The following MSRA variants were observed in gnomAD, a reference collection of about 807,000 sequenced individuals.
The protein encoded by MSRA is methionine sulfoxide reductase A.
In MSRA, 54 loss-of-function variants were observed where a neutral mutation model predicts 31.3. The observed-to-expected ratio is 1.73, with a 90% CI of 1.39 to 2.17. MSRA has a LOEUF of 2.17. Among genes scored for constraint, MSRA ranks in the 30% most tolerant of loss-of-function variants. The pLI, the probability that MSRA is intolerant of heterozygous loss-of-function variation, is 0.00. For synonymous variants in MSRA, 169 were observed against 116.5 expected, an observed-to-expected ratio of 1.45 and a Z score of -2.90; for missense variants, 507 against 300.9, an observed-to-expected ratio of 1.69 and a Z score of -5.07.
chr8:10,134,725 C>G (rs73530926), intron 1 of MSRA, among the ~76,000 whole-genome samples: 6,881 of 152,318 alleles, frequency 0.045, 307 homozygotes, highest in South Asian at 0.12. Flanking sequence ...AGTGAAATGT[C>G]TAGGAGGGCA....
At chr8:10,311,982 G>T (rs1200412405) in intron 4 of MSRA, among the ~76,000 whole-genome samples, 3 of 152,144 alleles carry the variant, frequency 2.0e-5, no homozygotes, top group Non-Finnish European at 4.4e-5. Context: ...AAAATACTTT[G>T]AATCAAATGA....
intron 1 of MSRA, among the ~76,000 whole-genome samples, chr8:10,110,303 C>G (rs992096939): frequency 1.3e-5 from 2 of 152,146 alleles, no homozygotes; most frequent in Non-Finnish European, 2.9e-5. Flanking sequence ...TTGCCCCATT[C>G]TTTATTATTT....
chr8:10,287,278 G>A (rs1389569472), intron 3 of MSRA, among the ~76,000 whole-genome samples: 1 of 152,180 alleles, frequency 6.6e-6, no homozygotes, highest in Non-Finnish European at 1.5e-5. Flanking sequence ...ACTGGGCCCT[G>A]AATGACCTGA....
intron 1 of MSRA, among the ~76,000 whole-genome samples, chr8:10,079,157 G>T (rs1300265692): frequency 2.0e-5 from 3 of 152,024 alleles, no homozygotes; most frequent in Non-Finnish European, 4.4e-5. Flanking sequence ...CATATGATGT[G>T]GTACTTTTTT....
intron 1 of MSRA, among the ~76,000 whole-genome samples, chr8:10,143,815 G>A (rs182739722): frequency 4.2e-4 from 64 of 152,328 alleles, no homozygotes; most frequent in African/African-American, 1.5e-3. Context: ...ACAAAAAGTT[G>A]TTTTAATGTG....
intron 5 of MSRA, among the ~76,000 whole-genome samples, chr8:10,374,468 A>G (rs544217098): frequency 6.6e-6 from 1 of 152,320 alleles, no homozygotes; most frequent in South Asian, 2.1e-4. Flanking sequence ...GAACACTATG[A>G]GGAAGGTCTT....
intron 3 of MSRA, among the ~76,000 whole-genome samples, chr8:10,279,725 G>T (rs749557289): frequency 6.6e-6 from 1 of 152,188 alleles, no homozygotes; most frequent in Non-Finnish European, 1.5e-5. Flanking sequence ...ATTGAGCAAC[G>T]TCTGACACCT....
intron 3 of MSRA, among the ~76,000 whole-genome samples, chr8:10,260,126 G>C (rs1405675780): frequency 6.6e-6 from 1 of 152,228 alleles, no homozygotes; most frequent in East Asian, 1.9e-4. Context: ...GATATGATCT[G>C]TCAGAAGAAG....
chr8:10,092,107 T>A (rs1222339175), intron 1 of MSRA, among the ~76,000 whole-genome samples: 1 of 152,206 alleles, frequency 6.6e-6, no homozygotes, highest in Non-Finnish European at 1.5e-5. Flanking sequence ...GTGTCTTTGC[T>A]GATATTCTGT....
At chr8:10,406,856 T>A (rs1030464225) in intron 5 of MSRA, among the ~76,000 whole-genome samples, 1 of 152,210 alleles carries the variant, frequency 6.6e-6, no homozygotes. Context: ...TTGTCAGACG[T>A]GATCTTCTCT....
At chr8:10,131,367 T>C (rs1381823511) in intron 1 of MSRA, among the ~76,000 whole-genome samples, 2 of 152,196 alleles carry the variant, frequency 1.3e-5, no homozygotes, top group East Asian at 3.8e-4. Flanking sequence ...GGAAATGGTA[T>C]TTAACTATTT....
chr8:10,363,293 A>G (rs1804960106), intron 5 of MSRA, among the ~76,000 whole-genome samples: 1 of 152,150 alleles, frequency 6.6e-6, no homozygotes, highest in South Asian at 2.1e-4. Context: ...TGGCCATGTC[A>G]GGCGTGCTTT....
chr8:10,358,844 G>A (rs1036589796), intron 5 of MSRA, among the ~76,000 whole-genome samples: 11 of 148,826 alleles, frequency 7.4e-5, no homozygotes, highest in African/African-American at 2.1e-4. Context: ...CGCCCGCCTC[G>A]GCCTCCCAAA....
intron 1 of MSRA, among the ~76,000 whole-genome samples, chr8:10,113,289 CTTCTTTT>C (rs1257366043): frequency 1.8e-4 from 9 of 50,904 alleles, no homozygotes; most frequent in East Asian, 6.1e-4. Context: ...GAAGACAGGT[CTTCTTTT>C]TTTTTTTTTT....
intron 5 of MSRA, among the ~76,000 whole-genome samples, chr8:10,365,298 A>G (rs181609857): frequency 1.2e-4 from 19 of 152,098 alleles, no homozygotes; most frequent in African/African-American, 2.7e-4. Context: ...GTGGTTTCCA[A>G]TGGAGCCGCA....
At chr8:10,425,934 G>T (rs531172954) in intron 5 of MSRA, among the ~76,000 whole-genome samples, 18 of 152,180 alleles carry the variant, frequency 1.2e-4, no homozygotes, top group Non-Finnish European at 2.4e-4. Flanking sequence ...GGCCCTCACC[G>T]TGCCTTTTTC....
chr8:10,109,509 A>C (rs1225077462), intron 1 of MSRA, among the ~76,000 whole-genome samples: 2 of 151,778 alleles, frequency 1.3e-5, no homozygotes, highest in Non-Finnish European at 2.9e-5. Context: ...CACTCAGCTA[A>C]TTATTTGTAT....
intron 1 of MSRA, among the ~76,000 whole-genome samples, chr8:10,203,833 C>A (rs1424719502): frequency 6.6e-6 from 1 of 152,138 alleles, no homozygotes; most frequent in Non-Finnish European, 1.5e-5. Flanking sequence ...CGTGTTATTG[C>A]CTCTAAAGAC....
intron 4 of MSRA, among the ~76,000 whole-genome samples, chr8:10,304,375 A>T (rs1563329950): frequency 6.6e-6 from 1 of 152,246 alleles, no homozygotes; most frequent in Non-Finnish European, 1.5e-5. Context: ...CATACAGATA[A>T]ATGCGCATAA....
Sources: allele counts gnomAD v4.1 joint callset (sites outside exome capture counted in the v4.1 genomes callset), GRCh38; gene constraint gnomAD v4.1.1; transcripts MANE v1.5; gene names NCBI Gene and HGNC (gene_info 2026-07-23, HGNC 2026-07-21).